Variants in COL12A1 observed in about 807,000 individuals in gnomAD.
COL12A1 encodes the protein collagen alpha-1(XII) chain.
In COL12A1, 114 loss-of-function variants were observed where a neutral mutation model predicts 349.7. That is an observed-to-expected ratio of 0.33 (90% CI 0.28 to 0.38). COL12A1 has a LOEUF of 0.38. Ranked by LOEUF, COL12A1 falls within the 10% of genes least tolerant of loss-of-function variation. COL12A1 has a pLI of 1.00. For synonymous variants in COL12A1, 1,369 were observed against 1,329.0 expected (o/e 1.03, Z -0.66); for missense variants, 3,284 against 3,756.9 (o/e 0.87, Z 3.29).
intron 31 of COL12A1, 103 bp downstream of exon 31, chr6:75,137,334 T>A: frequency 9.4e-7 from 1 of 1,058,660 alleles, no homozygotes; most frequent in Non-Finnish European, 1.3e-6. Flanking sequence ...AATCTTAATA[T>A]CCCTTAAAAA....
At position 75,155,722 on chromosome 6, in the gene COL12A1, C is replaced by A. The variant is rs373637483; in HGVS notation, c.3383G>T (p.Arg1128Ile). ...TCCAACCACTAACTCCCCCAGTCTT[C>A]TGTCATCCCCCGTAGGGTGGAATGT... is the stretch of plus-strand genomic sequence containing the variant. ...KVTFHPTGDD[R>I]RLGELVVGPY... The change falls in exon 16 of 66, where the codon AGA becomes ATA. Residue 1128 changes from arginine to isoleucine, a missense_variant. Coordinates refer to ENST00000322507, the MANE Select transcript of COL12A1 (RefSeq NM_004370.6). The A allele has an allele frequency of 3.1e-6, 5 of 1,612,936 alleles. No individual in the cohort carries two copies. In the African/African-American group the frequency reaches 6.7e-5, roughly 22 times the overall value.
intron 20 of COL12A1, 138 bp downstream of exon 20, chr6:75,151,729 G>T: frequency 3.9e-6 from 4 of 1,019,702 alleles, no homozygotes; most frequent in Non-Finnish European, 4.2e-6. Flanking sequence ...TTAACTTCCT[G>T]GAACATTATT....
chr6:75,123,403 A>G lies in COL12A1; in HGVS notation c.6873T>C (p.Thr2291=). The change falls in exon 43 of 66, where the codon ACT becomes ACC. Residue 2291 remains threonine (T), a splice_region_variant and synonymous_variant. Coordinates refer to ENST00000322507, the MANE Select transcript of COL12A1 (RefSeq NM_004370.6). The stretch of plus-strand genomic sequence containing the variant: ...CTGTAGGGGCTTCTGTTGGTTTCAC[A>G]GCTAAAATTTAAAAATAATAATTAT... ...GPGVSVKEHT[T]VKPTEAPTEP... 2 of 1,560,930 alleles carry G rather than the reference A, an allele frequency of 1.3e-6. No individual in the cohort carries two copies. Among genetic ancestry groups the G allele is most frequent in the Non-Finnish European group, 1.7e-6 (2 of 1,153,594 alleles).
intron 44 of COL12A1, among the ~76,000 whole-genome samples, chr6:75,120,552 A>G (rs1411803280): frequency 1.3e-5 from 2 of 152,186 alleles, no homozygotes; most frequent in African/African-American, 2.4e-5. Context: ...GAGTCACACA[A>G]TTAATGACAA....
Position 75,125,153 on chromosome 6 carries a change from A to T in COL12A1, c.6581T>A (p.Val2194Asp). 1 of 1,611,526 alleles carries T rather than the reference A, an allele frequency of 6.2e-7. No homozygotes were observed. The highest frequency in any genetic ancestry group is 8.5e-7 in the Non-Finnish European group (1 of 1,178,614). The change falls in exon 40 of 66, where the codon GTC (valine) becomes GAC (aspartate). Residue 2194 changes from valine (V) to aspartate (D), a missense_variant. This residue lies in a region of COL12A1 where 2,601 missense variants were observed against 2,824.8 expected (regional missense o/e 0.92). Transcript: ENST00000322507. ...VYAQYDSGLS[V>D]PLTDQGTTLY... ...TGTAGTGCCTTGATCTGTCAAGGGG[A>T]CACTGAGTCCAGAATCATATTGAGC...
rs1244183222 is a variant in COL12A1, at chr6:75,105,270, G to A, written c.8201C>T (p.Ala2734Val). The stretch of plus-strand genomic sequence containing the variant: ...TGTACATGTGCAAGAATTTGGAAAA[G>A]CAGGGCATTTTCCCTCATCTCTCTG... ...PSRRDEGKCP[A>V]FPNSCTCTQD... Residue 2734 changes from alanine (A) to valine (V), a missense_variant, in exon 54 of 66, where the codon GCT becomes GTT. Ala to Val is a moderately conservative substitution (Grantham distance 64). This residue lies in a region of COL12A1 where 683 missense variants were observed against 932.1 expected (regional missense o/e 0.73). Transcript: ENST00000322507. The A allele has an allele frequency of 6.2e-7, 1 of 1,613,608 alleles. No homozygotes were observed. Among genetic ancestry groups the A allele is most frequent in the South Asian group, 1.1e-5 (1 of 91,028 alleles).
intron 3 of COL12A1, 34 bp from the exon 4 acceptor site, chr6:75,192,389 C>T: frequency 6.3e-7 from 1 of 1,588,390 alleles, no homozygotes; most frequent in South Asian, 1.1e-5. Context: ...ATGAATGCAA[C>T]AAAACATTTT....
chr6:75,202,666 T>G (rs1770590681), intron 2 of COL12A1, 54 bp downstream of exon 2: 1 of 1,499,692 alleles, frequency 6.7e-7, no homozygotes, highest in Non-Finnish European at 9.1e-7. Flanking sequence ...GATGTGTTTT[T>G]TCCTTTCTCG....
chr6:75,195,647 A>T (rs1301265406), intron 2 of COL12A1, among the ~76,000 whole-genome samples: 2 of 152,208 alleles, frequency 1.3e-5, no homozygotes, highest in Admixed American at 1.3e-4. Context: ...ATATATAAAT[A>T]GCGATATTCA....
chr6:75,096,679 G>A lies in COL12A1; in HGVS notation c.8577+574C>T, dbSNP rs557110041. ...TGGGAGGCCGAGGCCGGCAGATCAC[G>A]AGGTCAGGAGATCGAGACCATCCCG... On this transcript the variant is annotated intron_variant, in intron 59 of 65. Coordinates refer to ENST00000322507, the MANE Select transcript of COL12A1 (RefSeq NM_004370.6). 4.5e-3 allele frequency among the ~76,000 whole-genome samples: 682 copies of A among 152,204 alleles called. 5 individuals carry two copies. Among genetic ancestry groups the A allele is most frequent in the Non-Finnish European group, 8.0e-3 (546 of 68,016 alleles).
chr6:75,128,587 C>T (rs1366826136), intron 37 of COL12A1, among the ~76,000 whole-genome samples, 162 bp from the exon 38 acceptor site: 1 of 152,146 alleles, frequency 6.6e-6, no homozygotes, highest in Non-Finnish European at 1.5e-5. Flanking sequence ...TTCACTTCTT[C>T]TCTGCAGCAT....
chr6:75,194,025 C>A (rs1770092868), intron 3 of COL12A1, among the ~76,000 whole-genome samples: 3 of 152,010 alleles, frequency 2.0e-5, no homozygotes, highest in Admixed American at 2.0e-4. Context: ...TGAATAAGTG[C>A]CACAATGAAC....
At position 75,138,454 on chromosome 6, in the gene COL12A1, G is replaced by T. The variant is rs530680231; in HGVS notation, c.5224C>A (p.Arg1742Ser). ...TTGAAAGCTAAACACCTACGTGTGCGCTCACTGCCAATCAGGTCATCACTT... is the reference window on the plus strand; with the variant it reads ...TTGAAAGCTAAACACCTACGTGTGCTCTCACTGCCAATCAGGTCATCACTT... ...SESDDLIGSERTLPILTTQAP... is the reference protein window; with the variant it reads ...SESDDLIGSESTLPILTTQAP... The change falls in exon 29 of 66, where the codon CGC becomes AGC. Residue 1742 changes from arginine (R) to serine (S), a missense_variant. This residue lies in a region of COL12A1 where 2,601 missense variants were observed against 2,824.8 expected (regional missense o/e 0.92). Transcript: ENST00000322507. 22 of 1,613,064 alleles carry T rather than the reference G, an allele frequency of 1.4e-5. No individual in the cohort carries two copies. Among genetic ancestry groups the T allele is most frequent in the African/African-American group, 2.7e-5 (2 of 74,856 alleles).
chr6:75,109,023 C>G lies in COL12A1; in HGVS notation c.8095G>C (p.Ala2699Pro). The G allele has an allele frequency of 6.2e-7, 1 of 1,611,376 alleles. No individual in the cohort carries two copies. The highest frequency in any genetic ancestry group is 8.5e-7 in the Non-Finnish European group (1 of 1,179,082). ...AATAAAAATGTGTTACTCACTGCGG[C>G]TGATTTCCTTTCCCCTTTAAGGAGT... is the stretch of plus-strand genomic sequence containing the variant. The part of the protein sequence containing the change: ...GKLLKGERKS[A>P]AFQIQSFDIV... The change falls in exon 52 of 66, where the codon GCC (alanine) becomes CCC (proline). Residue 2699 changes from alanine to proline, a missense_variant. Physicochemically the swap from Ala to Pro is conservative, Grantham distance 27 (BLOSUM62 -1). Around this residue, in one of 2 missense-constraint regions of COL12A1, gnomAD observed 683 missense variants for 932.1 expected, o/e 0.73. Coordinates refer to ENST00000322507, the MANE Select transcript of COL12A1 (RefSeq NM_004370.6).
chr6:75,183,994 C>G lies in COL12A1; in HGVS notation c.1148G>C (p.Gly383Ala), dbSNP rs1310849098. Residue 383 changes from glycine (G) to alanine (A), a missense_variant, in exon 9 of 66, where the codon GGG (glycine) becomes GCG (alanine). Transcript: ENST00000322507. ...AACACTGAGCGTGGTTGTCTGAGGC[C>G]CCACACTCAGAGCGTGCTGTCGGCT... is the stretch of plus-strand genomic sequence containing the variant. ...AGSRQHALSV[G>A]PQTTTLSVRD... 17 of 1,614,102 alleles carry G rather than the reference C, an allele frequency of 1.1e-5. No individual in the cohort carries two copies. The highest frequency in any genetic ancestry group is 1.4e-5 in the Non-Finnish European group (17 of 1,180,020).
chr6:75,198,222 C>T (rs915269897), intron 2 of COL12A1, among the ~76,000 whole-genome samples: 7 of 152,198 alleles, frequency 4.6e-5, no homozygotes, highest in African/African-American at 1.7e-4. Context: ...CCCATTTATA[C>T]CTGAGGTTGC....
At chr6:75,205,523 G>C (rs1349980325) in intron 1 of COL12A1, among the ~76,000 whole-genome samples, 10 of 151,932 alleles carry the variant, frequency 6.6e-5, no homozygotes, top group Non-Finnish European at 1.0e-4. Flanking sequence ...AACACTGAAC[G>C]GGATGCTTTG....
intron 52 of COL12A1, 48 bp downstream of exon 52, chr6:75,108,970 T>C (rs770361197): frequency 1.3e-6 from 2 of 1,566,130 alleles, no homozygotes; most frequent in South Asian, 2.4e-5. Flanking sequence ...AAAATGCCAT[T>C]TCAATCTTAA....
rs1769069263 is a variant in COL12A1 at position 75,116,199 on chromosome 6, T to C, written c.7520-142A>G. ...AATAACTTCTCAATTTAATATTTTA[T>C]ACATTATTTCTTGTACATTTCCTAC... On this transcript the variant is annotated intron_variant, in intron 47 of 65. Coordinates refer to ENST00000322507, the MANE Select transcript of COL12A1 (RefSeq NM_004370.6). 1.4e-5 allele frequency: 11 copies of C among 804,604 alleles called. 1 individual carries two copies. In the South Asian group the frequency reaches 1.8e-4, roughly 13 times the overall value. The allele number at this position is 804,604 out of a possible 1,614,324, so 49.8% of individuals were successfully genotyped here. A position where few individuals can be genotyped will look rare whatever the true frequency, so the allele number is the denominator to read the frequency against.
Sources: gnomAD v4.1 joint callset for allele counts (sites outside exome capture counted in the v4.1 genomes callset) on GRCh38, gnomAD v4.1.1 for gene constraint, gnomAD v4.1.1 regional missense constraint, MANE v1.5 for transcripts, NCBI Gene and HGNC (gene_info 2026-07-23, HGNC 2026-07-21) for gene names.